ADAMTS18: variants seen among roughly 807,000 people sequenced by gnomAD.
ADAMTS18 encodes the protein A disintegrin and metalloproteinase with thrombospondin motifs 18.
Under a neutral mutation model 165.9 loss-of-function variants are expected in ADAMTS18, and 157 were observed. That is an observed-to-expected ratio of 0.95 (90% CI 0.83 to 1.08). The LOEUF (loss-of-function observed/expected upper bound fraction) is 1.08. Among genes scored for constraint, ADAMTS18 ranks in the 50% least tolerant of loss-of-function variants. The pLI, the probability that ADAMTS18 is intolerant of heterozygous loss-of-function variation, is 0.00. For synonymous variants in ADAMTS18, 782 were observed against 578.2 expected (o/e 1.35, Z -5.06); for missense variants, 2,040 against 1,534.0 (o/e 1.33, Z -5.51).
chr16:77,354,607 G>C (rs1457515196), intron 9 of ADAMTS18, among the ~76,000 whole-genome samples: 2 of 151,626 alleles, frequency 1.3e-5, no homozygotes, highest in Non-Finnish European at 2.9e-5. Context: ...TTTGTAGTGA[G>C]ACAGATGGGG....
intron 3 of ADAMTS18, among the ~76,000 whole-genome samples, chr16:77,397,225 A>C (rs534790634): frequency 6.6e-6 from 1 of 152,352 alleles, no homozygotes; most frequent in Non-Finnish European, 1.5e-5. Flanking sequence ...AAGAAAAATC[A>C]ACTGTGTAGA....
rs74738020 is a variant in ADAMTS18 at position 77,284,851 on chromosome 16, G to C, written c.3551-780C>G. Among the ~76,000 whole-genome samples the C allele has an allele frequency of 6.1e-3, 927 of 152,108 alleles. 8 individuals are homozygous for C. The highest frequency in any genetic ancestry group is 0.021 in the African/African-American group (867 of 41,464). ...AAGGGAGGGTGTGCTGCTGGTCCAC[G>C]AACTATAATTTCAGGAGCAAGAAGC... On this transcript the variant is annotated intron_variant, in intron 22 of 22. Coordinates refer to ENST00000282849, the MANE Select transcript of ADAMTS18 (RefSeq NM_199355.4).
chr16:77,401,477 C>A (rs2057330866), intron 3 of ADAMTS18, among the ~76,000 whole-genome samples: 1 of 152,170 alleles, frequency 6.6e-6, no homozygotes, highest in South Asian at 2.1e-4. Flanking sequence ...AAATAATTTG[C>A]CCAAATCCCA....
intron 3 of ADAMTS18, among the ~76,000 whole-genome samples, chr16:77,412,388 C>T (rs2057476511): frequency 6.6e-6 from 1 of 152,036 alleles, no homozygotes; most frequent in Non-Finnish European, 1.5e-5. Flanking sequence ...TACAGTGGCA[C>T]TATCATACTC....
intron 3 of ADAMTS18, among the ~76,000 whole-genome samples, chr16:77,371,831 G>A (rs1436437468): frequency 6.6e-6 from 1 of 152,054 alleles, no homozygotes; most frequent in East Asian, 1.9e-4. Flanking sequence ...AGACTAAGGA[G>A]ACAACCCACA....
rs548618072 is a variant in ADAMTS18 at position 77,308,903 on chromosome 16, G to T, written c.2533-8499C>A. 1.0e-3 allele frequency among the ~76,000 whole-genome samples: 154 copies of T among 152,212 alleles called. 1 individual carries two copies. The highest frequency in any genetic ancestry group is 3.4e-3 in the African/African-American group (142 of 41,546). ...CACTTAATTTAGATATTCAGGAGTGGAGAATTAAAATAGATTTAGTTTTTC... is the reference window on the plus strand; with the variant it reads ...CACTTAATTTAGATATTCAGGAGTGTAGAATTAAAATAGATTTAGTTTTTC... On this transcript the variant is annotated intron_variant, in intron 16 of 22. Coordinates refer to ENST00000282849, the MANE Select transcript of ADAMTS18 (RefSeq NM_199355.4).
chr16:77,392,696 GT>G (rs2057205088), intron 3 of ADAMTS18, among the ~76,000 whole-genome samples: 1 of 152,120 alleles, frequency 6.6e-6, no homozygotes, highest in Non-Finnish European at 1.5e-5. Flanking sequence ...CTAGCATAGG[GT>G]AGACGTCGTA....
chr16:77,410,905 TCACAGTGTGGCAAAAAATATAA>T (rs2057454084), intron 3 of ADAMTS18, among the ~76,000 whole-genome samples: 1 of 152,164 alleles, frequency 6.6e-6, no homozygotes, highest in African/African-American at 2.4e-5. Context: ...TCATCAAACT[TCACAGTGTGGCAAAAAATATAA>T]CATTCTGGCC....
intron 12 of ADAMTS18, among the ~76,000 whole-genome samples, chr16:77,334,200 C>T (rs62652207): frequency 0.12 from 4,347 of 35,668 alleles, 1,732 homozygotes; most frequent in Middle Eastern, 0.21. Context: ...TTATATATTA[C>T]ATATAATATA....
At chr16:77,294,460 T>G (rs774402185) in intron 19 of ADAMTS18, among the ~76,000 whole-genome samples, 4 of 152,224 alleles carry the variant, frequency 2.6e-5, no homozygotes, top group Non-Finnish European at 5.9e-5. Context: ...CCTTCTAACT[T>G]TAAAATTTTA....
At chr16:77,320,126 C>T (rs746672993) in intron 15 of ADAMTS18, 33 bp from the exon 16 acceptor site, 23 of 1,613,430 alleles carry the variant, frequency 1.4e-5, no homozygotes, top group Non-Finnish European at 1.4e-5. Context: ...GTCTGAATTC[C>T]ACCCCATGCA....
intron 3 of ADAMTS18, among the ~76,000 whole-genome samples, chr16:77,407,026 C>G (rs2057401541): frequency 2.0e-5 from 3 of 151,932 alleles, no homozygotes; most frequent in African/African-American, 7.3e-5. Flanking sequence ...TATTCATACC[C>G]CAGACCTCAA....
At chr16:77,430,436 G>A (rs925581529) in intron 3 of ADAMTS18, among the ~76,000 whole-genome samples, 1 of 152,208 alleles carries the variant, frequency 6.6e-6, no homozygotes, top group African/African-American at 2.4e-5. Context: ...TTTGTGCCAT[G>A]ATGTACCATG....
chr16:77,322,134 G>A (rs887277253), intron 14 of ADAMTS18, among the ~76,000 whole-genome samples: 5 of 131,690 alleles, frequency 3.8e-5, no homozygotes, highest in African/African-American at 5.8e-5. Flanking sequence ...CAGCCTGGGT[G>A]ACAGAGTGAA....
intron 4 of ADAMTS18, among the ~76,000 whole-genome samples, chr16:77,364,701 T>C (rs1043417944): frequency 2.8e-5 from 4 of 143,076 alleles, no homozygotes; most frequent in Non-Finnish European, 6.1e-5. Flanking sequence ...TGGATGAACT[T>C]AGTAACTCAA....
At chr16:77,378,271 G>A (rs866274092) in intron 3 of ADAMTS18, among the ~76,000 whole-genome samples, 1 of 151,744 alleles carries the variant, frequency 6.6e-6, no homozygotes, top group Admixed American at 6.6e-5. Context: ...GCTGCAGTGA[G>A]CTGTGATTGC....
intron 8 of ADAMTS18, 89 bp downstream of exon 8, chr16:77,359,229 C>G: frequency 2.7e-6 from 3 of 1,130,346 alleles, no homozygotes; most frequent in Non-Finnish European, 3.9e-6. Flanking sequence ...CCTCTTTGTT[C>G]TGCCTAAGTC....
At chr16:77,364,124 C>G in intron 5 of ADAMTS18, 64 bp downstream of exon 5, 3 of 1,597,838 alleles carry the variant, frequency 1.9e-6, no homozygotes, top group Non-Finnish European at 1.7e-6. Context: ...TCAACCCATG[C>G]AAGAGAATTC....
intron 20 of ADAMTS18, among the ~76,000 whole-genome samples, chr16:77,291,706 A>G (rs747806409): frequency 2.0e-5 from 3 of 152,212 alleles, no homozygotes; most frequent in Non-Finnish European, 4.4e-5. Flanking sequence ...CCAAAATCAC[A>G]CAGATCATTA....
Sources: allele counts gnomAD v4.1 joint callset (sites outside exome capture counted in the v4.1 genomes callset), GRCh38; gene constraint gnomAD v4.1.1; transcripts MANE v1.5; gene names NCBI Gene and HGNC (gene_info 2026-07-23, HGNC 2026-07-21).